ADGRB3: variants seen among roughly 807,000 people sequenced by gnomAD.
ADGRB3 encodes adhesion G protein-coupled receptor B3, also known as brain-specific angiogenesis inhibitor 3.
ADGRB3 carries 37 observed loss-of-function variants against 193.4 expected under a neutral mutation model. The observed-to-expected ratio is 0.19, with a 90% CI of 0.15 to 0.25. The LOEUF is 0.25. Ranked by LOEUF, ADGRB3 falls within the 10% of genes least tolerant of loss-of-function variation. ADGRB3 has a pLI of 1.00. For missense variants in ADGRB3, 1,637 were observed against 1,852.9 expected (o/e 0.88, Z 2.14); for synonymous variants, 690 against 644.2 (o/e 1.07, Z -1.08).
chr6:68,954,743 A>T (rs987356345), intron 6 of ADGRB3, among the ~76,000 whole-genome samples: 1 of 149,804 alleles, frequency 6.7e-6, no homozygotes, highest in Non-Finnish European at 1.5e-5. Flanking sequence ...GCAGTGACAC[A>T]ATCTTGGCTC....
At chr6:69,029,015 A>T (rs541027777) in intron 13 of ADGRB3, among the ~76,000 whole-genome samples, 2 of 152,288 alleles carry the variant, frequency 1.3e-5, no homozygotes, top group South Asian at 2.1e-4. Context: ...GTCCTACATC[A>T]GTGCCTCCCA....
chr6:69,260,668 G>T (rs1766904001), intron 20 of ADGRB3, among the ~76,000 whole-genome samples: 1 of 152,092 alleles, frequency 6.6e-6, no homozygotes, highest in East Asian at 1.9e-4. Context: ...GCTAGTAAAG[G>T]TTAAATAAAA....
At chr6:69,259,695 C>CAAAAAAAAAAA (rs397887907) in intron 20 of ADGRB3, among the ~76,000 whole-genome samples, 1 of 76,156 alleles carries the variant, frequency 1.3e-5, no homozygotes, top group African/African-American at 4.9e-5. Flanking sequence ...GACTCTGTCT[C>CAAAAAAAAAAA]AAAAAAAAAA....
intron 20 of ADGRB3, among the ~76,000 whole-genome samples, chr6:69,264,792 A>G (rs1161643400): frequency 6.6e-6 from 1 of 152,004 alleles, no homozygotes; most frequent in Non-Finnish European, 1.5e-5. Flanking sequence ...CTGAGAAAAA[A>G]AAAGTGTATC....
At chr6:68,728,124 A>G (rs1308176075) in intron 3 of ADGRB3, among the ~76,000 whole-genome samples, 1 of 151,546 alleles carries the variant, frequency 6.6e-6, no homozygotes, top group South Asian at 2.1e-4. Context: ...ATAGTATAAC[A>G]CATTAATGAA....
At chr6:68,824,318 C>T (rs1310232422) in intron 3 of ADGRB3, among the ~76,000 whole-genome samples, 3 of 151,598 alleles carry the variant, frequency 2.0e-5, no homozygotes, top group African/African-American at 7.3e-5. Flanking sequence ...ACTGTTTTTA[C>T]CATCAATTGC....
intron 20 of ADGRB3, among the ~76,000 whole-genome samples, chr6:69,302,447 G>T (rs529912360): frequency 6.6e-6 from 1 of 151,970 alleles, no homozygotes; most frequent in East Asian, 2.0e-4. Flanking sequence ...GCCAGTAAGG[G>T]ATTATCTTTT....
Position 68,833,221 on chromosome 6 carries a change from TAA to T in ADGRB3, c.758-97336_758-97335del, listed in dbSNP as rs1445651251. 9.9e-5 allele frequency among the ~76,000 whole-genome samples: 15 copies of T among 152,206 alleles called. 1 individual carries two copies. Among genetic ancestry groups the T allele is most frequent in the Middle Eastern group, 3.4e-3 (1 of 294 alleles). ...AACTGTTCATGGTGAATTATTTTAA[TAA>T]AGTTATTTTTAAATAATACAGATTA... On this transcript the variant is annotated intron_variant, in intron 3 of 31. Coordinates refer to ENST00000370598, the MANE Select transcript of ADGRB3 (RefSeq NM_001704.3).
intron 3 of ADGRB3, among the ~76,000 whole-genome samples, chr6:68,740,146 G>T (rs1490690516): frequency 1.3e-5 from 2 of 152,234 alleles, no homozygotes; most frequent in East Asian, 3.9e-4. Context: ...AATTAATAAA[G>T]AATTTCCTTT....
chr6:68,837,895 A>G (rs17259872), intron 3 of ADGRB3, among the ~76,000 whole-genome samples: 20,470 of 152,178 alleles, frequency 0.13, 1,825 homozygotes, highest in Non-Finnish European at 0.2. Flanking sequence ...AGTAGGAACT[A>G]CCAAACATTA....
At position 69,012,116 on chromosome 6, in the gene ADGRB3, A is replaced by T. The variant is rs901893592; in HGVS notation, c.1930-1922A>T. On this transcript the variant is annotated intron_variant, in intron 11 of 31. Coordinates refer to ENST00000370598, the MANE Select transcript of ADGRB3 (RefSeq NM_001704.3). ...GAACTCTGAATTTATTGTCTTCATC[A>T]AGGAATTTTGTGTATGCAGTGGCCT... Among the ~76,000 whole-genome samples the T allele has an allele frequency of 4.6e-5, 7 of 152,118 alleles. No homozygotes were observed. In the East Asian group the frequency reaches 1.4e-3, roughly 29 times the overall value.
intron 17 of ADGRB3, among the ~76,000 whole-genome samples, chr6:69,110,249 A>G (rs1773332995): frequency 6.6e-6 from 1 of 152,102 alleles, no homozygotes; most frequent in Non-Finnish European, 1.5e-5. Flanking sequence ...TTTAAATCAG[A>G]TGAACTATTA....
At chr6:69,199,421 A>T (rs539775697) in intron 17 of ADGRB3, among the ~76,000 whole-genome samples, 4 of 152,116 alleles carry the variant, frequency 2.6e-5, no homozygotes, top group Non-Finnish European at 5.9e-5. Context: ...GCATAATACC[A>T]TTATGAAAAT....
At chr6:68,835,896 A>C (rs1233161846) in intron 3 of ADGRB3, among the ~76,000 whole-genome samples, 1 of 152,062 alleles carries the variant, frequency 6.6e-6, no homozygotes, top group Non-Finnish European at 1.5e-5. Context: ...TTTGAAGAAC[A>C]ATGTTGGGAT....
chr6:68,964,702 T>C (rs576862314), intron 8 of ADGRB3, among the ~76,000 whole-genome samples: 7 of 152,332 alleles, frequency 4.6e-5, no homozygotes, highest in Non-Finnish European at 8.8e-5. Flanking sequence ...CCTTGTCTGC[T>C]AAGTTTAAAT....
chr6:68,934,577 TTTAA>T (rs1376738322), intron 4 of ADGRB3, among the ~76,000 whole-genome samples: 11 of 152,308 alleles, frequency 7.2e-5, no homozygotes, highest in African/African-American at 2.2e-4. Context: ...TTTTCTGACT[TTTAA>T]TTAATAACAT....
intron 3 of ADGRB3, among the ~76,000 whole-genome samples, chr6:68,646,487 A>AAAAAAG (rs1561981834): frequency 1.4e-5 from 2 of 147,264 alleles, no homozygotes; most frequent in Non-Finnish European, 3.0e-5. Flanking sequence ...AAAAAAAAAA[A>AAAAAAG]AAAAAAGAAA....
intron 22 of ADGRB3, among the ~76,000 whole-genome samples, chr6:69,328,231 G>A (rs1768624482): frequency 1.3e-5 from 2 of 152,132 alleles, no homozygotes; most frequent in Admixed American, 1.3e-4. Flanking sequence ...GCTGCTATGA[G>A]CTTCTAATTC....
At chr6:69,054,915 A>G (rs1435874433) in intron 15 of ADGRB3, among the ~76,000 whole-genome samples, 5 of 152,136 alleles carry the variant, frequency 3.3e-5, no homozygotes, top group Admixed American at 2.0e-4. Flanking sequence ...CATCTGTTTT[A>G]TTTTGGTCTT....
Sources: gnomAD v4.1 joint callset for allele counts (sites outside exome capture counted in the v4.1 genomes callset) on GRCh38, gnomAD v4.1.1 for gene constraint, MANE v1.5 for transcripts, NCBI Gene and HGNC (gene_info 2026-07-23, HGNC 2026-07-21) for gene names.